Variants in PCDHGB2 observed in about 807,000 individuals in gnomAD.
PCDHGB2 encodes the protein protocadherin gamma subfamily B, 2.
A neutral mutation model predicts 59.3 loss-of-function variants in PCDHGB2; 55 were observed. That is an observed-to-expected ratio of 0.93 (90% CI 0.75 to 1.16). The LOEUF (loss-of-function observed/expected upper bound fraction) is 1.16, where lower values mean the gene tolerates loss of function less well. Ranked by LOEUF, PCDHGB2 falls within the 50% of genes most tolerant of loss-of-function variation. The pLI is 0.00. For missense variants in PCDHGB2, 1,228 were observed against 1,198.5 expected (o/e 1.02, Z -0.36); for synonymous variants, 516 against 512.0 (o/e 1.01, Z -0.11).
chr5:141,375,429 C>T (rs1049627462), intron 1 of PCDHGB2: 1 of 1,613,840 alleles, frequency 6.2e-7, no homozygotes, highest in African/African-American at 1.3e-5. Context: ...AACGACAACC[C>T]GCCCACCTTC....
At position 141,486,579 on chromosome 5, in the gene PCDHGB2, G is replaced by A. The variant is rs747583158; in HGVS notation, c.2422-8228G>A. On this transcript the variant is annotated intron_variant, in intron 1 of 3. Coordinates refer to ENST00000522605, the MANE Select transcript of PCDHGB2 (RefSeq NM_018923.3). The surrounding 1 kb of genome is among the most constrained non-coding windows in gnomAD (Gnocchi z 5.0). ...GAGGTGTTTGTTCCTGAGAACAATC[G>A]CCCAGGGGACCTGCTTTGCTCCCTT... is the stretch of plus-strand genomic sequence containing the variant. The A allele has an allele frequency of 5.1e-5, 82 of 1,613,426 alleles. No homozygotes were observed. Among genetic ancestry groups the A allele is most frequent in the South Asian group, 2.2e-4 (20 of 91,084 alleles).
chr5:141,390,321 C>A (rs776100029), intron 1 of PCDHGB2: 1 of 1,606,964 alleles, frequency 6.2e-7, no homozygotes, highest in Non-Finnish European at 8.5e-7. Context: ...TCATTGCCTA[C>A]CCATTTCTCC....
chr5:141,425,962 C>T (rs2096906059), intron 1 of PCDHGB2, among the ~76,000 whole-genome samples: 2 of 152,236 alleles, frequency 1.3e-5, no homozygotes, highest in African/African-American at 2.4e-5. Flanking sequence ...TAGTCCAACA[C>T]ATCAGTCTAA....
At position 141,403,421 on chromosome 5, in the gene PCDHGB2, G is replaced by A. The variant is rs773369451; in HGVS notation, c.2421+40865G>A. ...TGGAGCACGTTATCCACTTCCAGAA[G>A]CTATTGATCCGGATGTTGGCGTGAA... On this transcript the variant is annotated intron_variant, in intron 1 of 3. Coordinates refer to ENST00000522605, the MANE Select transcript of PCDHGB2 (RefSeq NM_018923.3). 11 of 1,614,038 alleles carry A rather than the reference G, an allele frequency of 6.8e-6. No individual in the cohort carries two copies. In the East Asian group the frequency reaches 2.5e-4, roughly 36 times the overall value.
At chr5:141,408,002 T>A in intron 1 of PCDHGB2, 1 of 908,258 alleles carries the variant, frequency 1.1e-6, no homozygotes, top group Non-Finnish European at 1.6e-6. Flanking sequence ...GGCCTGGGAT[T>A]CCCTGCGCAG....
Position 141,436,609 on chromosome 5 carries a change from A to G in PCDHGB2, c.2422-58198A>G, listed in dbSNP as rs182981534. On this transcript the variant is annotated intron_variant, in intron 1 of 3. Coordinates refer to ENST00000522605, the MANE Select transcript of PCDHGB2 (RefSeq NM_018923.3). ...AAAGGTCGTGGTGATGGCTAGGGCT[A>G]ACAAAAATCTGATTCACAACATGCA... Among the ~76,000 whole-genome samples, 5 of 152,334 alleles carry G rather than the reference A, an allele frequency of 3.3e-5. No homozygotes were observed. The East Asian group carries it at 5.8e-4, about 18-fold the overall frequency.
chr5:141,475,297 T>C lies in PCDHGB2; in HGVS notation c.2422-19510T>C, dbSNP rs187277570. Among the ~76,000 whole-genome samples the C allele has an allele frequency of 6.5e-4, 99 of 152,360 alleles. 2 individuals are homozygous for C. Among genetic ancestry groups the C allele is most frequent in the African/African-American group, 2.3e-3 (96 of 41,586 alleles). ...TGAAAGACAGGGTAGGGAAATTTCT[T>C]ATTGCTCCCTGGTTCTTAAGAAATG... On this transcript the variant is annotated intron_variant, in intron 1 of 3. Transcript: ENST00000522605.
chr5:141,413,841 T>G, intron 1 of PCDHGB2: 1 of 1,613,060 alleles, frequency 6.2e-7, no homozygotes, highest in Non-Finnish European at 8.5e-7. Context: ...CCGACGGGGG[T>G]GACCCTCTCC....
At chr5:141,419,273 G>A (rs751868316) in intron 1 of PCDHGB2, 2 of 1,614,034 alleles carry the variant, frequency 1.2e-6, no homozygotes, top group South Asian at 1.1e-5. Flanking sequence ...TGCCTCCATA[G>A]CGCAAGTCAG....
intron 1 of PCDHGB2, chr5:141,415,179 G>A: frequency 6.2e-7 from 1 of 1,613,934 alleles, no homozygotes; most frequent in Non-Finnish European, 8.5e-7. Flanking sequence ...CCGTGGCCGT[G>A]GCCGACAGCA....
chr5:141,427,304 C>T, intron 1 of PCDHGB2: 1 of 456,910 alleles, frequency 2.2e-6, no homozygotes, highest in Non-Finnish European at 4.4e-6. Flanking sequence ...ATGAGAATGA[C>T]AATGCCCCAG....
At chr5:141,383,774 TTCA>T in intron 1 of PCDHGB2, 1 of 1,613,980 alleles carries the variant, frequency 6.2e-7, no homozygotes, top group South Asian at 1.1e-5. Flanking sequence ...CCAAAGATGT[TTCA>T]TCTGAACTCG....
chr5:141,366,281 C>A, intron 1 of PCDHGB2: 1 of 1,613,726 alleles, frequency 6.2e-7, no homozygotes, highest in Non-Finnish European at 8.5e-7. Flanking sequence ...AGACCATGGC[C>A]AGCCCCCTCT....
At chr5:141,371,594 C>T (rs1767874002) in intron 1 of PCDHGB2, 1 of 1,613,990 alleles carries the variant, frequency 6.2e-7, no homozygotes, top group Middle Eastern at 1.6e-4. Flanking sequence ...ATACCAAAAA[C>T]ACATACAGGT....
chr5:141,405,103 G>A (rs368202826), intron 1 of PCDHGB2: 2 of 1,613,922 alleles, frequency 1.2e-6, no homozygotes, highest in Non-Finnish European at 1.7e-6. Flanking sequence ...TCAGGCTGAG[G>A]CACTGGCACT....
At chr5:141,389,093 G>A in intron 1 of PCDHGB2, 1 of 1,614,018 alleles carries the variant, frequency 6.2e-7, no homozygotes, top group Non-Finnish European at 8.5e-7. Flanking sequence ...ATAAATTAGT[G>A]ACAGATGCTG....
intron 1 of PCDHGB2, chr5:141,471,430 G>A (rs2099257545): frequency 6.6e-6 from 1 of 152,140 alleles, no homozygotes; most frequent in South Asian, 2.1e-4. Flanking sequence ...CAAGGAAAGT[G>A]TATAATCTCA....
intron 1 of PCDHGB2, among the ~76,000 whole-genome samples, chr5:141,469,212 G>A (rs114294512): frequency 0.021 from 3,174 of 151,360 alleles, 54 homozygotes; most frequent in Non-Finnish European, 0.032. Flanking sequence ...TTGAAGTTGA[G>A]GCTTCAGTGA....
intron 1 of PCDHGB2, chr5:141,427,278 A>G (rs981860450): frequency 2.2e-6 from 1 of 456,706 alleles, no homozygotes; most frequent in Non-Finnish European, 4.4e-6. Context: ...ATGTAAAATT[A>G]TACTAGAAAT....
Sources: allele counts gnomAD v4.1 joint callset (sites outside exome capture counted in the v4.1 genomes callset), GRCh38; gene constraint gnomAD v4.1.1; non-coding constraint Gnocchi (gnomAD v3.1); transcripts MANE v1.5; gene names NCBI Gene and HGNC (gene_info 2026-07-23, HGNC 2026-07-21).